The following AMHR2 variants were observed in gnomAD, a reference collection of about 807,000 sequenced individuals.
The protein encoded by AMHR2 is anti-Muellerian hormone type-2 receptor.
In AMHR2, 36 loss-of-function variants were observed where a neutral mutation model predicts 61.4. That is an observed-to-expected ratio of 0.59 (90% CI 0.45 to 0.77). The LOEUF is 0.77. Among genes scored for constraint, AMHR2 ranks in the 30% least tolerant of loss-of-function variants. AMHR2 has a pLI of 0.00. For missense variants in AMHR2, 638 were observed against 714.6 expected, an observed-to-expected ratio of 0.89 and a Z score of 1.22; for synonymous variants, 258 against 279.4, an observed-to-expected ratio of 0.92 and a Z score of 0.76.
chr12:53,429,158 C>A lies in AMHR2; in HGVS notation c.967+148C>A, dbSNP rs1204514303. On this transcript the variant is annotated intron_variant, in intron 7 of 10. Coordinates refer to ENST00000257863, the MANE Select transcript of AMHR2 (RefSeq NM_020547.3). ...CTATAATCCCAGCACTTTGGGAGGC[C>A]GAGGTGGGCGGATCACAAGGTCAGG... 7 of 804,392 alleles carry A rather than the reference C, an allele frequency of 8.7e-6. No individual in the cohort carries two copies. In the Admixed American group the frequency reaches 1.4e-4, roughly 16 times the overall value. The allele number at this position is 804,392 out of a possible 1,614,324, so 49.8% of individuals were successfully genotyped here.
At chr12:53,428,278 T>G (rs1023631774) in intron 6 of AMHR2, among the ~76,000 whole-genome samples, 2 of 152,222 alleles carry the variant, frequency 1.3e-5, no homozygotes, top group African/African-American at 4.8e-5. Flanking sequence ...TGACACTTGT[T>G]GAATGAGGGG....
chr12:53,424,882 G>GTA lies in AMHR2; in HGVS notation c.406_407insTA (p.Gly136ValfsTer74), dbSNP rs758474279. On this transcript the variant is annotated frameshift_variant, in exon 3 of 11. Coordinates refer to ENST00000257863, the MANE Select transcript of AMHR2 (RefSeq NM_020547.3). LOFTEE classifies it high-confidence loss of function. The stretch of plus-strand genomic sequence containing the variant: ...GAGCCCTGGGACTCCTGGCTCCCAG[G>GTA]GTCCCCAGGCTGCCCCAGGTAGCCA... 14 of 1,612,246 alleles carry GTA rather than the reference G, an allele frequency of 8.7e-6. No homozygotes were observed. The African/African-American group carries it at 1.9e-4, about 22-fold the overall frequency.
chr12:53,427,722 C>T (rs1939739106), intron 6 of AMHR2, among the ~76,000 whole-genome samples: 1 of 152,150 alleles, frequency 6.6e-6, no homozygotes, highest in Admixed American at 6.6e-5. Context: ...GCTTTAAACA[C>T]ATTTCCAAAC....
rs1358305794 is a variant in AMHR2 at position 53,424,364 on chromosome 12, G to A, written c.126G>A (p.Leu42=). 5.6e-6 allele frequency: 9 copies of A among 1,613,434 alleles called. No individual in the cohort carries two copies. The South Asian group carries it at 9.9e-5, about 18-fold the overall frequency. ...VRGSTKTLGE[L]LDTGTELPRA... ...GAAGCACAAAGACACTGGGAGAGCT[G>A]CTAGATACAGGCACAGAGCTCCCCA... is the stretch of plus-strand genomic sequence containing the variant. The change falls in exon 2 of 11, where the codon CTG becomes CTA. Residue 42 remains leucine (L), a synonymous_variant. Coordinates refer to ENST00000257863, the MANE Select transcript of AMHR2 (RefSeq NM_020547.3).
chr12:53,427,386 T>A (rs1353166585), intron 6 of AMHR2, among the ~76,000 whole-genome samples: 2 of 152,214 alleles, frequency 1.3e-5, no homozygotes, highest in African/African-American at 4.8e-5. Flanking sequence ...GGCATTACGC[T>A]ACCCGCTTTT....
At chr12:53,430,335 G>A (rs1474048233) in intron 10 of AMHR2, 53 bp downstream of exon 10, 13 of 1,613,468 alleles carry the variant, frequency 8.1e-6, no homozygotes, top group Admixed American at 5.0e-5. Flanking sequence ...GGCTGGGCAT[G>A]GGCTTCAAGG....
At position 53,431,626 on chromosome 12, in the gene AMHR2, G is replaced by A. The variant is rs1940104748; in HGVS notation, c.*153G>A. The stretch of plus-strand genomic sequence containing the variant: ...CACATCAGTTCTGACCAGTGACTTG[G>A]GGTAGGTGTGCACAGGAAAGAGAAT... On this transcript the variant is annotated 3_prime_UTR_variant, in exon 11 of 11. Coordinates refer to ENST00000257863, the MANE Select transcript of AMHR2 (RefSeq NM_020547.3). 1 of 946,274 alleles carries A rather than the reference G, an allele frequency of 1.1e-6. No individual in the cohort carries two copies. Among genetic ancestry groups the A allele is most frequent in the Non-Finnish European group, 1.6e-6 (1 of 608,064 alleles). 58.6% of individuals were successfully genotyped at this position (946,274 alleles called of 1,614,324 possible).
intron 6 of AMHR2, 76 bp from the exon 7 acceptor site, chr12:53,428,820 A>G (rs1468567371): frequency 3.5e-5 from 37 of 1,072,440 alleles, no homozygotes; most frequent in Middle Eastern, 2.6e-4. Context: ...AAGACTGTCA[A>G]TTGATCTCTG....
rs1290681954 is a variant in AMHR2, at chr12:53,428,842, G to A, written c.853-54G>A. On this transcript the variant is annotated intron_variant, in intron 6 of 10. Coordinates refer to ENST00000257863, the MANE Select transcript of AMHR2 (RefSeq NM_020547.3). ...TCAATTGATCTCTGCTCCCTGGGAT[G>A]GATCAGCCGTCTCCAGCTTTGTGTA... is the stretch of plus-strand genomic sequence containing the variant. 1.1e-5 allele frequency: 14 copies of A among 1,304,124 alleles called. No individual in the cohort carries two copies. In the East Asian group the frequency reaches 3.5e-4, roughly 33 times the overall value. The allele number at this position is 1,304,124 out of a possible 1,614,324, so 80.8% of individuals were successfully genotyped here.
chr12:53,426,018 T>C, intron 6 of AMHR2, 99 bp downstream of exon 6: 1 of 1,211,196 alleles, frequency 8.3e-7, no homozygotes, highest in South Asian at 1.3e-5. Context: ...GCTTCTGCTT[T>C]CGATTTTCTC....
chr12:53,429,106 G>C (rs758845747), intron 7 of AMHR2, 96 bp downstream of exon 7: 163 of 1,165,756 alleles, frequency 1.4e-4, no homozygotes, highest in Admixed American at 2.0e-4. Context: ...AAAAGAGGGA[G>C]GAAGAGCCGG....
rs375138212 is a variant in AMHR2 at position 53,429,605 on chromosome 12, G to A, written c.1120G>A (p.Gly374Ser). The change falls in exon 8 of 11, where the codon GGC becomes AGC. Residue 374 changes from glycine to serine, a missense_variant. Transcript: ENST00000257863. Reference protein sequence around the residue: ...PPAWTPTQPQGPAAIMEAGTQ... With the variant: ...PPAWTPTQPQSPAAIMEAGTQ... ...TGCCTGGACCCCTACTCAACCACAAGGCCCAGCTGCCATCATGGAAGTGAG... is the reference window on the plus strand; with the variant it reads ...TGCCTGGACCCCTACTCAACCACAAAGCCCAGCTGCCATCATGGAAGTGAG... The A allele has an allele frequency of 2.0e-5, 32 of 1,613,948 alleles. No individual in the cohort carries two copies. Among genetic ancestry groups the A allele is most frequent in the Non-Finnish European group, 2.4e-5 (28 of 1,180,002 alleles).
At position 53,428,922 on chromosome 12, in the gene AMHR2, G is replaced by A. The variant is rs1277863722; in HGVS notation, c.879G>A (p.Gln293=). ...PKGSLCHYLT[Q]YTSDWGSSLR... ...GCTCCCTGTGCCACTACTTGACCCA[G>A]TACACCAGTGACTGGGGAAGTTCCC... Residue 293 remains glutamine, a synonymous_variant, in exon 7 of 11, where the codon CAG becomes CAA. Coordinates refer to ENST00000257863, the MANE Select transcript of AMHR2 (RefSeq NM_020547.3). 8.4e-6 allele frequency: 13 copies of A among 1,551,528 alleles called. No homozygotes were observed. The African/African-American group carries it at 1.6e-4, about 20-fold the overall frequency.
chr12:53,423,923 T>C lies in AMHR2; in HGVS notation c.-12T>C. On this transcript the variant is annotated 5_prime_UTR_variant, in exon 1 of 11. Coordinates refer to ENST00000257863, the MANE Select transcript of AMHR2 (RefSeq NM_020547.3). ...TGCTCTTCTCCTTCTGCTGCTGCCA[T>C]CCTCCAGCAAGATGCTAGGGTCTTT... 1 of 1,614,044 alleles carries C rather than the reference T, an allele frequency of 6.2e-7. No homozygotes were observed. Among genetic ancestry groups the C allele is most frequent in the South Asian group, 1.1e-5 (1 of 91,068 alleles).
chr12:53,430,572 T>A, intron 10 of AMHR2: 1 of 511,940 alleles, frequency 2.0e-6, no homozygotes, highest in Non-Finnish European at 3.6e-6. Context: ...TGTTCCTCAG[T>A]CCCCTTCTCC....
chr12:53,429,341 G>A (rs1286660937), intron 7 of AMHR2, 112 bp from the exon 8 acceptor site: 9 of 1,204,072 alleles, frequency 7.5e-6, no homozygotes, highest in African/African-American at 3.0e-5. Context: ...GCAGTGAGCC[G>A]AGATCGCGAC....
chr12:53,430,378 C>G (rs910569412), intron 10 of AMHR2, 96 bp downstream of exon 10: 57 of 1,578,328 alleles, frequency 3.6e-5, no homozygotes, highest in Non-Finnish European at 3.9e-5. Context: ...CTACTCCTAT[C>G]TCCACTTATC....
chr12:53,429,594 C>G lies in AMHR2; in HGVS notation c.1109C>G (p.Thr370Ser), dbSNP rs756641073. Residue 370 changes from threonine to serine, a missense_variant, in exon 8 of 11, where the codon ACT becomes AGT. Physicochemically the swap from Thr to Ser is moderately conservative, Grantham distance 58. Transcript: ENST00000257863. ...GLTQPPAWTPTQPQGPAAIME... is the reference protein window; with the variant it reads ...GLTQPPAWTPSQPQGPAAIME... ...ACTCAGCCCCCTGCCTGGACCCCTA[C>G]TCAACCACAAGGCCCAGCTGCCATC... The G allele has an allele frequency of 2.4e-5, 38 of 1,614,164 alleles. No individual in the cohort carries two copies. Among genetic ancestry groups the G allele is most frequent in the Non-Finnish European group, 3.2e-5 (38 of 1,180,016 alleles).
chr12:53,427,953 C>T (rs947230909), intron 6 of AMHR2, among the ~76,000 whole-genome samples: 3 of 152,204 alleles, frequency 2.0e-5, no homozygotes, highest in Non-Finnish European at 4.4e-5. Flanking sequence ...TCAACCTCCA[C>T]CACCTGTTTC....
Sources: gnomAD v4.1 joint callset for allele counts (sites outside exome capture counted in the v4.1 genomes callset) on GRCh38, gnomAD v4.1.1 for gene constraint, MANE v1.5 for transcripts, NCBI Gene and HGNC (gene_info 2026-07-23, HGNC 2026-07-21) for gene names.